The following TANGO6 variants were observed in gnomAD, a reference collection of about 807,000 sequenced individuals.
TANGO6 encodes the protein transport and Golgi organization protein 6 homolog.
In TANGO6, 90 loss-of-function variants were observed where a neutral mutation model predicts 114.2. That is an observed-to-expected ratio of 0.79 (90% CI 0.66 to 0.94). The LOEUF is 0.94. TANGO6 is among the 40% of genes least tolerant of loss of function. The pLI, the probability that TANGO6 is intolerant of heterozygous loss-of-function variation, is 0.00. For missense variants in TANGO6, 1,274 were observed against 1,315.3 expected, an observed-to-expected ratio of 0.97 and a Z score of 0.49; for synonymous variants, 477 against 509.8, an observed-to-expected ratio of 0.94 and a Z score of 0.87.
At chr16:68,980,438 T>A (rs867176774) in intron 15 of TANGO6, among the ~76,000 whole-genome samples, 2,783 of 110,374 alleles carry the variant, frequency 0.025, 16 homozygotes, top group Non-Finnish European at 0.035. Context: ...TATATATATT[T>A]TTTTTTTTTT....
intron 17 of TANGO6, among the ~76,000 whole-genome samples, chr16:69,043,283 A>AGTGTGTGTGTGTGTGTGTGTGT (rs57443398): frequency 6.8e-6 from 1 of 146,642 alleles, no homozygotes; most frequent in African/African-American, 2.5e-5. Context: ...AGACAGAGCG[A>AGTGTGTGTGTGTGTGTGTGTGT]GTGTGTGTGT....
At chr16:69,049,261 C>G (rs1446535399) in intron 17 of TANGO6, among the ~76,000 whole-genome samples, 2 of 152,138 alleles carry the variant, frequency 1.3e-5, no homozygotes, top group East Asian at 3.9e-4. Context: ...CTCCTCTCCC[C>G]CAAGCCCCTA....
intron 14 of TANGO6, among the ~76,000 whole-genome samples, chr16:68,964,190 G>A (rs1370576967): frequency 6.6e-6 from 1 of 151,932 alleles, no homozygotes; most frequent in Non-Finnish European, 1.5e-5. Context: ...ACATTTGAGT[G>A]ATGAATATGC....
At chr16:69,078,281 C>T (rs1960417628) in intron 17 of TANGO6, among the ~76,000 whole-genome samples, 1 of 152,162 alleles carries the variant, frequency 6.6e-6, no homozygotes, top group Admixed American at 6.6e-5. Flanking sequence ...TAGCCCTTTC[C>T]CCTGACTTCC....
At position 68,919,085 on chromosome 16, in the gene TANGO6, G is replaced by A. The variant is rs749337981; in HGVS notation, c.1993G>A (p.Val665Met). The change falls in exon 12 of 18, where the codon GTG becomes ATG. Residue 665 changes from valine (V) to methionine (M), a missense_variant and splice_region_variant. Val to Met is a conservative substitution (Grantham distance 21, BLOSUM62 1). Transcript: ENST00000261778. ...SEQIFTNVTQ[V>M]VDFVAATLQR... is the part of the protein sequence containing the mutation. ...ATTCTCAATTCCCTTTTTTGGGTAG[G>A]TGGTGGACTTTGTAGCAGCAACATT... 3 of 1,610,192 alleles carry A rather than the reference G, an allele frequency of 1.9e-6. No homozygotes were observed. Among genetic ancestry groups the A allele is most frequent in the Admixed American group, 1.7e-5 (1 of 59,072 alleles).
At chr16:68,908,338 C>T (rs955237457) in intron 10 of TANGO6, among the ~76,000 whole-genome samples, 3 of 152,114 alleles carry the variant, frequency 2.0e-5, no homozygotes, top group Non-Finnish European at 4.4e-5. Context: ...CGTCCCCGTG[C>T]CCAGCAATAC....
intron 15 of TANGO6, among the ~76,000 whole-genome samples, chr16:69,018,992 C>T (rs989778912): frequency 2.6e-5 from 4 of 152,150 alleles, no homozygotes; most frequent in Non-Finnish European, 5.9e-5. Context: ...TATTTGCATA[C>T]ATAAATGGGA....
chr16:68,959,554 T>C (rs1597037090), intron 14 of TANGO6, among the ~76,000 whole-genome samples: 1 of 151,952 alleles, frequency 6.6e-6, no homozygotes. Flanking sequence ...GCCACTGCAC[T>C]CCAGCCTGGA....
intron 14 of TANGO6, among the ~76,000 whole-genome samples, chr16:68,964,230 A>G (rs555496548): frequency 5.3e-5 from 8 of 152,192 alleles, no homozygotes; most frequent in East Asian, 1.9e-4. Flanking sequence ...GCTATATTAT[A>G]TCTATTGAAA....
At chr16:68,936,192 A>C (rs998427975) in intron 14 of TANGO6, among the ~76,000 whole-genome samples, 1 of 152,148 alleles carries the variant, frequency 6.6e-6, no homozygotes, top group Non-Finnish European at 1.5e-5. Context: ...TCAAAAAGAA[A>C]ATTTAAAAAA....
At chr16:69,083,464 A>C in intron 17 of TANGO6, 21 bp from the exon 18 acceptor site, 1 of 1,596,836 alleles carries the variant, frequency 6.3e-7, no homozygotes, top group Non-Finnish European at 8.5e-7. Context: ...ACAGGCGGTC[A>C]TGGCTGTCTC....
At chr16:69,038,786 T>TAATC (rs1228913329) in intron 16 of TANGO6, among the ~76,000 whole-genome samples, 2 of 152,174 alleles carry the variant, frequency 1.3e-5, no homozygotes, top group Non-Finnish European at 2.9e-5. Context: ...CTCATGCCTG[T>TAATC]AATCCCAGCA....
intron 9 of TANGO6, among the ~76,000 whole-genome samples, chr16:68,907,122 T>G (rs12102518): frequency 2.1e-5 from 3 of 142,600 alleles, no homozygotes; most frequent in African/African-American, 8.0e-5. Context: ...TTTTTTTTTG[T>G]ATTTTTAGTA....
chr16:68,878,184 A>G lies in TANGO6; in HGVS notation c.1198A>G (p.Thr400Ala), dbSNP rs370902328. 4 of 1,613,256 alleles carry G rather than the reference A, an allele frequency of 2.5e-6. No homozygotes were observed. The African/African-American group carries it at 5.3e-5, about 22-fold the overall frequency. Reference protein sequence around the residue: ...ARQFQRVATTTFITLSRERPH... With the variant: ...ARQFQRVATTAFITLSRERPH... ...ACAATTTCAGAGAGTTGCCACCACT[A>G]CCTTTATAACTTTGTCAAGAGAACG... The change falls in exon 6 of 18, where the codon ACC becomes GCC. Residue 400 changes from threonine (T) to alanine (A), a missense_variant. Thr to Ala is a moderately conservative substitution (Grantham distance 58). Transcript: ENST00000261778.
intron 17 of TANGO6, among the ~76,000 whole-genome samples, chr16:69,074,047 A>T (rs886994147): frequency 6.6e-5 from 10 of 151,870 alleles, no homozygotes; most frequent in African/African-American, 2.2e-4. Context: ...AAGCTCCCTG[A>T]GAAAGCCCAG....
chr16:68,846,209 A>G (rs1961799952), intron 1 of TANGO6, among the ~76,000 whole-genome samples: 1 of 151,900 alleles, frequency 6.6e-6, no homozygotes. Context: ...TACTTTTAAT[A>G]GAGACGGCGT....
intron 3 of TANGO6, among the ~76,000 whole-genome samples, chr16:68,864,592 C>G (rs1027111714): frequency 2.6e-5 from 4 of 151,278 alleles, no homozygotes; most frequent in African/African-American, 7.3e-5. Flanking sequence ...AAAAAAAAAA[C>G]AAAAGAAAAA....
At chr16:68,996,584 C>CT (rs1299367306) in intron 15 of TANGO6, among the ~76,000 whole-genome samples, 1 of 152,116 alleles carries the variant, frequency 6.6e-6, no homozygotes, top group Non-Finnish European at 1.5e-5. Flanking sequence ...GATGTTTCTG[C>CT]TGAGGGCATG....
intron 17 of TANGO6, among the ~76,000 whole-genome samples, chr16:69,040,854 G>C (rs534966309): frequency 1.1e-4 from 17 of 152,026 alleles, no homozygotes; most frequent in Non-Finnish European, 2.2e-4. Context: ...TGACATGTTA[G>C]GTGCTGCATA....
Sources: gnomAD v4.1 joint callset for allele counts (sites outside exome capture counted in the v4.1 genomes callset) on GRCh38, gnomAD v4.1.1 for gene constraint, MANE v1.5 for transcripts, NCBI Gene and HGNC (gene_info 2026-07-23, HGNC 2026-07-21) for gene names.